The following TRAF5 variants were observed in gnomAD, a reference collection of about 807,000 sequenced individuals.
TRAF5 encodes the protein TNF receptor associated factor 5.
In TRAF5, 48 loss-of-function variants were observed where a neutral mutation model predicts 64.5. That is an observed-to-expected ratio of 0.74 (90% CI 0.59 to 0.95). TRAF5 has a LOEUF of 0.95. TRAF5 is among the 40% of genes least tolerant of loss of function. The pLI is 0.00. For missense variants in TRAF5, 545 were observed against 662.8 expected (o/e 0.82, Z 1.95); for synonymous variants, 206 against 240.5 (o/e 0.86, Z 1.33).
At chr1:211,349,634 G>T (rs1045037962) in intron 1 of TRAF5, among the ~76,000 whole-genome samples, 11 of 152,156 alleles carry the variant, frequency 7.2e-5, no homozygotes, top group African/African-American at 9.7e-5. Context: ...ATCATAGGGG[G>T]TCCAGAGACC....
At chr1:211,367,135 C>A (rs947300958) in intron 8 of TRAF5, among the ~76,000 whole-genome samples, 10 of 152,280 alleles carry the variant, frequency 6.6e-5, no homozygotes, top group South Asian at 2.1e-4. Flanking sequence ...GTGTGCACCA[C>A]CACACTCGGC....
intron 1 of TRAF5, among the ~76,000 whole-genome samples, chr1:211,329,328 C>CAG (rs368934149): frequency 6.6e-6 from 1 of 152,146 alleles, no homozygotes; most frequent in Non-Finnish European, 1.5e-5. Flanking sequence ...GTAGGCTTGG[C>CAG]AGAGAGAGGT....
chr1:211,331,735 A>G (rs1702162514), intron 1 of TRAF5, among the ~76,000 whole-genome samples: 1 of 151,576 alleles, frequency 6.6e-6, no homozygotes, highest in African/African-American at 2.4e-5. Flanking sequence ...GCACAGTCTC[A>G]GCTCACTGCA....
chr1:211,372,205 C>G lies in TRAF5; in HGVS notation c.1177C>G (p.Arg393Gly). ...AGCACAGCTGAGTAAAAATGAAGAG[C>G]GATTTAAACTGCTGGAGGGTACTTG... is the stretch of plus-strand genomic sequence containing the variant. Reference protein sequence around the residue: ...HKAQLSKNEERFKLLEGTCYN... With the variant: ...HKAQLSKNEEGFKLLEGTCYN... The change falls in exon 11 of 11, where the codon CGA becomes GGA. Residue 393 changes from arginine (R) to glycine (G), a missense_variant. Arg to Gly is a moderately radical substitution (Grantham distance 125, BLOSUM62 -2). Coordinates refer to ENST00000261464, the MANE Select transcript of TRAF5 (RefSeq NM_001033910.3). The G allele has an allele frequency of 1.2e-6, 2 of 1,612,932 alleles. No homozygotes were observed. The highest frequency in any genetic ancestry group is 1.1e-5 in the South Asian group (1 of 91,046).
At chr1:211,354,549 G>GGA in intron 3 of TRAF5, 82 bp downstream of exon 3, 1 of 1,450,274 alleles carries the variant, frequency 6.9e-7, no homozygotes, top group Admixed American at 1.7e-5. Flanking sequence ...GATAGGAGCA[G>GGA]GAGAGTGGTC....
At chr1:211,345,933 G>A (rs188528573) in intron 1 of TRAF5, among the ~76,000 whole-genome samples, 4 of 152,204 alleles carry the variant, frequency 2.6e-5, no homozygotes, top group East Asian at 1.9e-4. Flanking sequence ...AACAGTTTGC[G>A]GCATCAAATT....
intron 7 of TRAF5, among the ~76,000 whole-genome samples, chr1:211,362,965 A>G (rs1011075148): frequency 6.6e-6 from 1 of 152,198 alleles, no homozygotes; most frequent in Non-Finnish European, 1.5e-5. Context: ...GAAATATAGT[A>G]TATGGGCAGT....
chr1:211,346,825 G>T (rs1702622639), intron 1 of TRAF5, among the ~76,000 whole-genome samples: 1 of 152,206 alleles, frequency 6.6e-6, no homozygotes, highest in Admixed American at 6.5e-5. Flanking sequence ...GTAAATGGTG[G>T]CATCCACAGC....
At chr1:211,364,077 C>T (rs570891984) in intron 7 of TRAF5, among the ~76,000 whole-genome samples, 1 of 152,238 alleles carries the variant, frequency 6.6e-6, no homozygotes, top group South Asian at 2.1e-4. Context: ...GACAGCCTGT[C>T]ACCAAAGAAG....
At chr1:211,357,012 C>G (rs1483846869) in intron 4 of TRAF5, 1 of 152,344 alleles carries the variant, frequency 6.6e-6, no homozygotes, top group African/African-American at 2.4e-5. Context: ...GACAAACCAA[C>G]AAGGTGTAGG....
chr1:211,330,619 C>T (rs911787707), intron 1 of TRAF5, among the ~76,000 whole-genome samples: 4 of 152,196 alleles, frequency 2.6e-5, no homozygotes, highest in African/African-American at 9.6e-5. Flanking sequence ...ACAGCTCTTG[C>T]ACTCGCTCCT....
chr1:211,327,224 T>C (rs978133091), intron 1 of TRAF5, among the ~76,000 whole-genome samples: 1 of 152,082 alleles, frequency 6.6e-6, no homozygotes, highest in African/African-American at 2.4e-5. Flanking sequence ...AGGGCGGCTG[T>C]GGACCGGAGG....
chr1:211,328,267 T>G (rs1388371787), intron 1 of TRAF5, among the ~76,000 whole-genome samples: 2 of 152,290 alleles, frequency 1.3e-5, no homozygotes, highest in Non-Finnish European at 1.5e-5. Context: ...GAACGATGGA[T>G]GTAAGATGGA....
chr1:211,350,758 A>T (rs1702761657), intron 1 of TRAF5, among the ~76,000 whole-genome samples: 1 of 152,216 alleles, frequency 6.6e-6, no homozygotes, highest in Non-Finnish European at 1.5e-5. Flanking sequence ...GGTTTCTGAC[A>T]GTTCTGGAAG....
chr1:211,365,421 G>A lies in TRAF5; in HGVS notation c.742G>A (p.Glu248Lys), dbSNP rs763805024. Residue 248 changes from glutamate to lysine, a missense_variant, in exon 8 of 11, where the codon GAG becomes AAG. Transcript: ENST00000261464. The stretch of plus-strand genomic sequence containing the variant: ...GCAACATGAGCATTCAGCCTTACGG[G>A]AGCACATGCGTTTGGTTTTAGAAAA... ...LQQHEHSALR[E>K]HMRLVLEKNV... 6.2e-7 allele frequency: 1 copy of A among 1,613,902 alleles called. No homozygotes were observed. Among genetic ancestry groups the A allele is most frequent in the Non-Finnish European group, 8.5e-7 (1 of 1,179,928 alleles).
chr1:211,362,878 G>T (rs889451455), intron 7 of TRAF5, among the ~76,000 whole-genome samples: 5 of 152,046 alleles, frequency 3.3e-5, no homozygotes, highest in African/African-American at 4.8e-5. Flanking sequence ...AAAAAAAAGG[G>T]GGGGGCTATT....
At chr1:211,355,913 A>G (rs1448998520) in intron 3 of TRAF5, among the ~76,000 whole-genome samples, 1 of 152,222 alleles carries the variant, frequency 6.6e-6, no homozygotes, top group Non-Finnish European at 1.5e-5. Context: ...GTGGCAACAG[A>G]GATGATCGTG....
intron 1 of TRAF5, among the ~76,000 whole-genome samples, chr1:211,332,110 C>T (rs1477042231): frequency 1.3e-5 from 2 of 152,212 alleles, no homozygotes; most frequent in Admixed American, 6.5e-5. Flanking sequence ...GGCAGAGGGG[C>T]CAGGCAGCCT....
chr1:211,348,198 A>G (rs1247463463), intron 1 of TRAF5, among the ~76,000 whole-genome samples: 1 of 152,240 alleles, frequency 6.6e-6, no homozygotes, highest in Non-Finnish European at 1.5e-5. Flanking sequence ...GCTATCTTCT[A>G]TTAAGCAACA....
Sources: gnomAD v4.1 joint callset for allele counts (sites outside exome capture counted in the v4.1 genomes callset) on GRCh38, gnomAD v4.1.1 for gene constraint, MANE v1.5 for transcripts, NCBI Gene and HGNC (gene_info 2026-07-23, HGNC 2026-07-21) for gene names.